Variants in NRXN1 observed in about 807,000 individuals in gnomAD.
NRXN1 encodes neurexin 1.
In NRXN1, 39 loss-of-function variants were observed where a neutral mutation model predicts 150.9. The ratio of observed to expected loss-of-function variants is 0.26; its 90% CI spans 0.20 to 0.34. The LOEUF (loss-of-function observed/expected upper bound fraction) is 0.34, where lower values mean the gene tolerates loss of function less well. Among genes scored for constraint, NRXN1 ranks in the 10% least tolerant of loss-of-function variants. The pLI, the probability that NRXN1 is intolerant of heterozygous loss-of-function variation, is 1.00. For synonymous variants in NRXN1, 924 were observed against 757.0 expected, an observed-to-expected ratio of 1.22 and a Z score of -3.62; for missense variants, 1,815 against 1,949.9, an observed-to-expected ratio of 0.93 and a Z score of 1.30.
intron 17 of NRXN1, among the ~76,000 whole-genome samples, chr2:50,320,294 A>ACATATATATATATG (rs1558518896): frequency 2.0e-5 from 2 of 101,556 alleles, no homozygotes; most frequent in African/African-American, 9.2e-5. Flanking sequence ...ATATATATAT[A>ACATATATATATATG]TATATATATA....
intron 22 of NRXN1, among the ~76,000 whole-genome samples, chr2:49,924,756 A>AAAAT (rs1474886345): frequency 6.6e-6 from 1 of 152,202 alleles, no homozygotes; most frequent in African/African-American, 2.4e-5. Context: ...ATGTTTCTTA[A>AAAAT]AAATATAACC....
chr2:50,284,356 A>C (rs555968536), intron 17 of NRXN1, among the ~76,000 whole-genome samples: 1 of 152,258 alleles, frequency 6.6e-6, no homozygotes, highest in East Asian at 1.9e-4. Context: ...GACAGTCCAA[A>C]TGATGTTCCC....
intron 5 of NRXN1, among the ~76,000 whole-genome samples, chr2:50,859,833 T>C (rs1412103915): frequency 1.1e-5 from 1 of 91,186 alleles, no homozygotes; most frequent in African/African-American, 3.4e-5. Flanking sequence ...CACACACAAT[T>C]ATGTTTGTGT....
intron 15 of NRXN1, among the ~76,000 whole-genome samples, chr2:50,491,447 G>A (rs574803016): frequency 7.9e-5 from 12 of 152,268 alleles, no homozygotes; most frequent in Non-Finnish European, 1.0e-4. Flanking sequence ...AAGTGGCTTC[G>A]TAGCAGGATG....
At chr2:50,574,538 A>C (rs902528869) in intron 8 of NRXN1, among the ~76,000 whole-genome samples, 7 of 152,114 alleles carry the variant, frequency 4.6e-5, no homozygotes, top group African/African-American at 1.7e-4. Context: ...AGATGCATAC[A>C]TAGAGGAAGT....
At chr2:50,255,985 C>T (rs1367798899) in intron 17 of NRXN1, among the ~76,000 whole-genome samples, 1 of 152,112 alleles carries the variant, frequency 6.6e-6, no homozygotes, top group African/African-American at 2.4e-5. Context: ...TGGGTAGATG[C>T]TATTGAAATG....
chr2:50,963,898 T>C, intron 2 of NRXN1: 1 of 353,812 alleles, frequency 2.8e-6, no homozygotes, highest in Admixed American at 3.5e-5. Flanking sequence ...AATAAATATT[T>C]GTTTAATGAA....
At chr2:50,790,705 G>GT (rs1311769276) in intron 5 of NRXN1, among the ~76,000 whole-genome samples, 4 of 152,032 alleles carry the variant, frequency 2.6e-5, no homozygotes, top group Non-Finnish European at 5.9e-5. Context: ...CAAATTTTTG[G>GT]TTTTTTTGGA....
intron 18 of NRXN1, among the ~76,000 whole-genome samples, chr2:50,232,763 G>A (rs1010844838): frequency 9.2e-5 from 14 of 151,894 alleles, no homozygotes; most frequent in Non-Finnish European, 1.8e-4. Flanking sequence ...TGTAAATAAT[G>A]GACAGATATA....
At chr2:50,320,400 T>C (rs550464658) in intron 17 of NRXN1, among the ~76,000 whole-genome samples, 10 of 144,856 alleles carry the variant, frequency 6.9e-5, no homozygotes, top group Admixed American at 1.4e-4. Context: ...AAAATAAGCA[T>C]AGTATCTTAC....
intron 17 of NRXN1, among the ~76,000 whole-genome samples, chr2:50,418,009 T>G (rs1229596720): frequency 1.3e-5 from 2 of 151,938 alleles, no homozygotes; most frequent in East Asian, 3.9e-4. Flanking sequence ...AATGACCAAA[T>G]GTGCATTTTA....
At chr2:50,096,965 T>C (rs1700311038) in intron 18 of NRXN1, among the ~76,000 whole-genome samples, 2 of 152,232 alleles carry the variant, frequency 1.3e-5, no homozygotes, top group South Asian at 4.1e-4. Flanking sequence ...TCAAGCAAGA[T>C]GTCTGCATGT....
chr2:50,487,719 G>C (rs1187552428), intron 15 of NRXN1, among the ~76,000 whole-genome samples: 3 of 152,172 alleles, frequency 2.0e-5, no homozygotes, highest in Non-Finnish European at 4.4e-5. Context: ...AATCCAACTA[G>C]ATGAGACAAT....
chr2:50,411,315 C>T (rs1342915443), intron 17 of NRXN1, among the ~76,000 whole-genome samples: 2 of 152,168 alleles, frequency 1.3e-5, no homozygotes, highest in East Asian at 1.9e-4. Context: ...GACAGAGTCT[C>T]GCTCACTCAG....
At chr2:50,028,502 C>T (rs1177133249) in intron 21 of NRXN1, among the ~76,000 whole-genome samples, 1 of 152,128 alleles carries the variant, frequency 6.6e-6, no homozygotes, top group Non-Finnish European at 1.5e-5. Context: ...ATAGTGTGTC[C>T]TACTGAATAT....
intron 18 of NRXN1, among the ~76,000 whole-genome samples, chr2:50,172,609 T>C (rs2152802588): frequency 6.6e-6 from 1 of 152,322 alleles, no homozygotes; most frequent in Middle Eastern, 3.4e-3. Context: ...TGTTAACATC[T>C]GGCTTTCCCA....
chr2:50,255,951 C>T (rs1411983929), intron 17 of NRXN1, among the ~76,000 whole-genome samples: 2 of 152,104 alleles, frequency 1.3e-5, no homozygotes, highest in Non-Finnish European at 2.9e-5. Flanking sequence ...CCTTGGAATA[C>T]TGAAGTCACA....
chr2:50,451,115 T>A (rs1046567620), intron 17 of NRXN1, among the ~76,000 whole-genome samples: 1 of 152,070 alleles, frequency 6.6e-6, no homozygotes, highest in African/African-American at 2.4e-5. Flanking sequence ...TACAGGTGCA[T>A]GCCACCACAC....
intron 21 of NRXN1, among the ~76,000 whole-genome samples, chr2:49,962,027 G>T (rs1283029752): frequency 6.6e-6 from 1 of 152,080 alleles, no homozygotes; most frequent in African/African-American, 2.4e-5. Context: ...AGGGTCACTT[G>T]AGTCCAGCCT....
Sources: allele counts gnomAD v4.1 joint callset (sites outside exome capture counted in the v4.1 genomes callset), GRCh38; gene constraint gnomAD v4.1.1; transcripts MANE v1.5; gene names NCBI Gene and HGNC (gene_info 2026-07-23, HGNC 2026-07-21).